The following NR1D2 variants were observed in gnomAD, a reference collection of about 807,000 sequenced individuals.
The protein encoded by NR1D2 is nuclear receptor subfamily 1 group D member 2.
NR1D2 carries 25 observed loss-of-function variants against 52.2 expected under a neutral mutation model. That is an observed-to-expected ratio of 0.48 (90% CI 0.35 to 0.67). The LOEUF (loss-of-function observed/expected upper bound fraction) is 0.67. Among genes scored for constraint, NR1D2 ranks in the 30% least tolerant of loss-of-function variants. The pLI, the probability that NR1D2 is intolerant of heterozygous loss-of-function variation, is 0.01. For missense variants in NR1D2, 681 were observed against 707.2 expected (o/e 0.96, Z 0.42); for synonymous variants, 259 against 230.1 (o/e 1.13, Z -1.14).
rs1384212677 is a variant in NR1D2, at chr3:23,964,667, A to AAGG, written c.1147-309_1147-307dup. On this transcript the variant is annotated intron_variant, in intron 5 of 7. Coordinates refer to ENST00000312521, the MANE Select transcript of NR1D2 (RefSeq NM_005126.5). Reference sequence around the variant, plus strand: ...ATTATAAAACACCATATACTAGCATAAGGTGGCAGCAGTGTTACAAAATAA... The same window carrying AAGG: ...ATTATAAAACACCATATACTAGCATAAGGAGGTGGCAGCAGTGTTACAAAATAA... The AAGG allele has an allele frequency of 1.5e-5, 3 of 201,320 alleles. No individual in the cohort carries two copies. In the East Asian group the frequency reaches 3.5e-4, roughly 24 times the overall value. The allele number at this position is 201,320 out of a possible 1,614,324, so 12.5% of individuals were successfully genotyped here. A position where few individuals can be genotyped will look rare whatever the true frequency, so the allele number is the denominator to read the frequency against.
chr3:23,976,478 G>A (rs1429204230), intron 7 of NR1D2, among the ~76,000 whole-genome samples: 1 of 152,206 alleles, frequency 6.6e-6, no homozygotes, highest in Non-Finnish European at 1.5e-5. Context: ...TCAGTTGTAT[G>A]TAGTTATCGG....
intron 7 of NR1D2, among the ~76,000 whole-genome samples, chr3:23,969,166 G>C (rs1706525039): frequency 1.3e-5 from 2 of 152,062 alleles, no homozygotes; most frequent in Admixed American, 1.3e-4. Context: ...CGTGCCTGTA[G>C]TCCCAGCTAC....
intron 1 of NR1D2, chr3:23,945,993 C>G: frequency 1.7e-6 from 1 of 587,206 alleles, no homozygotes; most frequent in Non-Finnish European, 2.1e-6. Flanking sequence ...CTCCCTGACC[C>G]ACATTCCCCG....
At position 23,969,505 on chromosome 3, in the gene NR1D2, G is replaced by A. The variant is rs907713349; in HGVS notation, c.1543+1482G>A. 2.6e-5 allele frequency among the ~76,000 whole-genome samples: 4 copies of A among 152,160 alleles called. No homozygotes were observed. In the South Asian group the frequency reaches 6.2e-4, roughly 24 times the overall value. On this transcript the variant is annotated intron_variant, in intron 7 of 7. Transcript: ENST00000312521. ...ATCTGTTTTATAGCTAATTTATAAT[G>A]CCTCTTGCATTTTACCTATCATTTG... is the stretch of plus-strand genomic sequence containing the variant.
In NR1D2 at chr3:23,964,978, T is replaced by C; in HGVS notation, c.1148T>C (p.Val383Ala). Reference protein sequence around the residue: ...LCNTGGRMHLVCPMSKSPYVD... With the variant: ...LCNTGGRMHLACPMSKSPYVD... ...GTTTTTCCGTTTTATGTATACTAGG[T>C]TTGTCCAATGAGTAAGTCTCCATAT... The change falls in exon 6 of 8, where the codon GTT (valine) becomes GCT (alanine). Residue 383 changes from valine to alanine, a missense_variant and splice_region_variant. By Grantham distance (64) the Val-to-Ala change is moderately conservative. Coordinates refer to ENST00000312521, the MANE Select transcript of NR1D2 (RefSeq NM_005126.5). The C allele has an allele frequency of 6.2e-7, 1 of 1,606,866 alleles. No individual in the cohort carries two copies. The highest frequency in any genetic ancestry group is 1.3e-5 in the African/African-American group (1 of 74,752).
In NR1D2 at chr3:23,977,212, ATC is replaced by A. The variant is rs772775809; in HGVS notation, c.1544-5_1544-4del. The A allele has an allele frequency of 1.3e-5, 18 of 1,409,728 alleles. No homozygotes were observed. Among genetic ancestry groups the A allele is most frequent in the Non-Finnish European group, 1.7e-5 (18 of 1,066,160 alleles). 87.3% of individuals were successfully genotyped at this position (1,409,728 alleles called of 1,614,324 possible). On this transcript the variant is annotated splice_polypyrimidine_tract_variant and intron_variant, in intron 7 of 7. Coordinates refer to ENST00000312521, the MANE Select transcript of NR1D2 (RefSeq NM_005126.5). Reference sequence around the variant, plus strand: ...TGTTTTTCCTATTTCCCTATTCCTGATCTCTCTTAGATCGATCTGGAATAGAA... The same window carrying A: ...TGTTTTTCCTATTTCCCTATTCCTGATCTCTTAGATCGATCTGGAATAGAA...
At chr3:23,948,467 A>T (rs1192019657) in intron 1 of NR1D2, among the ~76,000 whole-genome samples, 1 of 152,252 alleles carries the variant, frequency 6.6e-6, no homozygotes, top group Non-Finnish European at 1.5e-5. Flanking sequence ...ATAACCTACA[A>T]AGAAACCACT....
rs748948575 is a variant in NR1D2 at position 23,962,016 on chromosome 3, G to A, written c.557G>A (p.Arg186Lys). 6.2e-7 allele frequency: 1 copy of A among 1,612,880 alleles called. No homozygotes were observed. The highest frequency in any genetic ancestry group is 1.1e-5 in the South Asian group (1 of 90,970). The change falls in exon 5 of 8, where the codon AGG (arginine) becomes AAG (lysine). Residue 186 changes from arginine (R) to lysine (K), a missense_variant. Physicochemically the swap from Arg to Lys is conservative, Grantham distance 26. Around this residue, in one of 3 missense-constraint regions of NR1D2, gnomAD observed 112 missense variants for 162.3 expected, o/e 0.69. Coordinates refer to ENST00000312521, the MANE Select transcript of NR1D2 (RefSeq NM_005126.5). Reference sequence around the variant, plus strand: ...CGTATTCCTAAGCGTGAAAAACAGAGGATGCTAATTGAAATGCAAAGTGCA... The same window carrying A: ...CGTATTCCTAAGCGTGAAAAACAGAAGATGCTAATTGAAATGCAAAGTGCA... ...FGRIPKREKQ[R>K]MLIEMQSAMK...
At chr3:23,975,354 G>C (rs1706695944) in intron 7 of NR1D2, among the ~76,000 whole-genome samples, 2 of 150,450 alleles carry the variant, frequency 1.3e-5, no homozygotes, top group Non-Finnish European at 1.5e-5. Context: ...AAACTCCTAA[G>C]CTCAAGCAAT....
rs552283294 is a variant in NR1D2, at chr3:23,978,598, T to C, written c.*1179T>C. The stretch of plus-strand genomic sequence containing the variant: ...TACCTTGTGCTGAGAAAGGTTGCAT[T>C]GCTGCCCCTTATACACATGCTGCAG... On this transcript the variant is annotated 3_prime_UTR_variant, in exon 8 of 8. Transcript: ENST00000312521. The C allele has an allele frequency of 1.3e-5, 2 of 152,308 alleles. No homozygotes were observed. The highest frequency in any genetic ancestry group is 4.1e-4 in the South Asian group (2 of 4,832). 9.4% of individuals were successfully genotyped at this position (152,308 alleles called of 1,614,324 possible).
At chr3:23,964,714 G>A (rs1215674684) in intron 5 of NR1D2, 2 of 315,314 alleles carry the variant, frequency 6.3e-6, no homozygotes, top group Non-Finnish European at 1.2e-5. Flanking sequence ...TGTGCAACAG[G>A]TGTTTGAAAT....
At chr3:23,973,443 CAT>C (rs1181745059) in intron 7 of NR1D2, among the ~76,000 whole-genome samples, 6 of 152,130 alleles carry the variant, frequency 3.9e-5, no homozygotes, top group Admixed American at 1.3e-4. Context: ...TGTATCTAAA[CAT>C]ATCTAAACAA....
At chr3:23,973,480 A>G (rs558043380) in intron 7 of NR1D2, among the ~76,000 whole-genome samples, 11 of 152,248 alleles carry the variant, frequency 7.2e-5, no homozygotes, top group Non-Finnish European at 1.5e-4. Context: ...AACAATAGAT[A>G]TGAAAGATAA....
At chr3:23,970,289 G>A (rs565331615) in intron 7 of NR1D2, among the ~76,000 whole-genome samples, 1 of 152,260 alleles carries the variant, frequency 6.6e-6, no homozygotes, top group South Asian at 2.1e-4. Context: ...CTTCCCAGAG[G>A]TAGTTCAGAG....
Position 23,945,573 on chromosome 3 carries a change from G to T in NR1D2, c.-6G>T. The T allele has an allele frequency of 8.5e-7, 1 of 1,172,492 alleles. No homozygotes were observed. 72.6% of individuals were successfully genotyped at this position (1,172,492 alleles called of 1,614,324 possible). A position where few individuals can be genotyped will look rare whatever the true frequency, so the allele number is the denominator to read the frequency against. Reference sequence around the variant, plus strand: ...GGGCGGCCCCGGCCGCCTCCGCGAGGGCACCATGGAGGTGAATGCAGGTAA... The same window carrying T: ...GGGCGGCCCCGGCCGCCTCCGCGAGTGCACCATGGAGGTGAATGCAGGTAA... On this transcript the variant is annotated 5_prime_UTR_variant, in exon 1 of 8. Coordinates refer to ENST00000312521, the MANE Select transcript of NR1D2 (RefSeq NM_005126.5).
In NR1D2 at chr3:23,980,377, T is replaced by C. The variant is rs1226342702; in HGVS notation, c.*2958T>C. ...GGGAGGGGATCTGTTAGGAAACTGT[T>C]ACCTATAAACAAAGATTGACTGGAT... On this transcript the variant is annotated 3_prime_UTR_variant, in exon 8 of 8. Coordinates refer to ENST00000312521, the MANE Select transcript of NR1D2 (RefSeq NM_005126.5). The C allele has an allele frequency of 1.3e-5, 2 of 151,894 alleles. No individual in the cohort carries two copies. Among genetic ancestry groups the C allele is most frequent in the East Asian group, 3.9e-4 (2 of 5,174 alleles). 9.4% of individuals were successfully genotyped at this position (151,894 alleles called of 1,614,324 possible).
rs767524649 is a variant in NR1D2 at position 23,964,958 on chromosome 3, T to C, written c.1147-19T>C. On this transcript the variant is annotated intron_variant, in intron 5 of 7. Coordinates refer to ENST00000312521, the MANE Select transcript of NR1D2 (RefSeq NM_005126.5). Reference sequence around the variant, plus strand: ...CCACCTCTTAGTATTTAAGAGTTTTTCCGTTTTATGTATACTAGGTTTGTC... The same window carrying C: ...CCACCTCTTAGTATTTAAGAGTTTTCCCGTTTTATGTATACTAGGTTTGTC... 1.6e-5 allele frequency: 24 copies of C among 1,540,978 alleles called. No individual in the cohort carries two copies. The highest frequency in any genetic ancestry group is 2.0e-5 in the Non-Finnish European group (23 of 1,134,772).
At chr3:23,959,966 A>C (rs1199237369) in intron 4 of NR1D2, 151 bp downstream of exon 4, 1 of 588,686 alleles carries the variant, frequency 1.7e-6, no homozygotes, top group Middle Eastern at 2.9e-4. Flanking sequence ...AGGACACCAA[A>C]TTGATTAAAG....
At chr3:23,952,359 G>A (rs1054789501) in intron 1 of NR1D2, among the ~76,000 whole-genome samples, 4 of 152,076 alleles carry the variant, frequency 2.6e-5, no homozygotes, top group African/African-American at 4.8e-5. Context: ...AATTGTCTAC[G>A]TTAGTGATAT....
Sources: allele counts gnomAD v4.1 joint callset (sites outside exome capture counted in the v4.1 genomes callset), GRCh38; gene constraint gnomAD v4.1.1; regional missense constraint gnomAD v4.1.1; transcripts MANE v1.5; gene names NCBI Gene and HGNC (gene_info 2026-07-23, HGNC 2026-07-21).